OR2L3: variants seen among roughly 807,000 people sequenced by gnomAD.
OR2L3 encodes the protein olfactory receptor 2L3.
For synonymous variants in OR2L3, 131 were observed against 139.1 expected, an observed-to-expected ratio of 0.94 and a Z score of 0.41; for missense variants, 369 against 376.6, an observed-to-expected ratio of 0.98 and a Z score of 0.17.
chr1:248,050,221 A>G (rs548544638), intron 1 of OR2L3, among the ~76,000 whole-genome samples: 1 of 152,010 alleles, frequency 6.6e-6, no homozygotes, highest in African/African-American at 2.4e-5. Flanking sequence ...CCTCCTGTGT[A>G]TTCTGTCATT....
At chr1:248,056,957 G>A (rs1196278346) in intron 1 of OR2L3, among the ~76,000 whole-genome samples, 1 of 151,916 alleles carries the variant, frequency 6.6e-6, no homozygotes, top group African/African-American at 2.4e-5. Context: ...GCCTTGAGGG[G>A]GCTTTAATCT....
In OR2L3 at chr1:248,061,287, C is replaced by T. The variant is rs1445598068; in HGVS notation, c.606C>T (p.Thr202=). 6.2e-7 allele frequency: 1 copy of T among 1,606,272 alleles called. No individual in the cohort carries two copies. The highest frequency in any genetic ancestry group is 8.5e-7 in the Non-Finnish European group (1 of 1,174,998). The change falls in exon 2 of 2, where the codon ACC becomes ACT. Residue 202 remains threonine, a synonymous_variant. Transcript: ENST00000359959. ...ATGAGGGCACAGTGTTTTTGAGCAC[C>T]ACCATCTTTCTCGTGTTTCCCTTCA... ...WVYEGTVFLS[T]TIFLVFPFIA...
In OR2L3 at chr1:248,060,672, CGAATGCCCCAT is replaced by C; in HGVS notation, c.-8_3del. ...GTGTCTCCCTTCAGGAAAGAGCACA[CGAATGCCCCAT>C]GGAAAATTACAATCAAACATCAACT... On this transcript the variant is annotated start_lost and 5_prime_UTR_variant, in exon 2 of 2. Transcript: ENST00000359959. The C allele has an allele frequency of 6.2e-7, 1 of 1,601,956 alleles. No homozygotes were observed. The highest frequency in any genetic ancestry group is 8.5e-7 in the Non-Finnish European group (1 of 1,171,744).
chr1:248,053,129 C>G (rs995467479), intron 1 of OR2L3, among the ~76,000 whole-genome samples: 2 of 152,088 alleles, frequency 1.3e-5, no homozygotes, highest in Non-Finnish European at 2.9e-5. Flanking sequence ...CAACAGGCCC[C>G]AGTAAGTGTT....
At chr1:248,047,342 A>T (rs1352827421) in intron 1 of OR2L3, among the ~76,000 whole-genome samples, 1 of 152,082 alleles carries the variant, frequency 6.6e-6, no homozygotes, top group Non-Finnish European at 1.5e-5. Flanking sequence ...ATTTTACCTT[A>T]TATGAATCCA....
intron 1 of OR2L3, among the ~76,000 whole-genome samples, chr1:248,050,374 A>G (rs1663222556): frequency 6.6e-6 from 1 of 152,152 alleles, no homozygotes; most frequent in South Asian, 2.1e-4. Context: ...ATCCATTTGG[A>G]TTTATTTTTA....
Position 248,062,247 on chromosome 1 carries a change from A to T in OR2L3, c.*627A>T, listed in dbSNP as rs1663668644. 1 of 152,284 alleles carries T rather than the reference A, an allele frequency of 6.6e-6. No homozygotes were observed. The highest frequency in any genetic ancestry group is 2.1e-4 in the South Asian group (1 of 4,834). The allele number at this position is 152,284 out of a possible 1,614,324, so 9.4% of individuals were successfully genotyped here. ...CCCAGGAAATGATTTAACATTAGGT[A>T]TATTTTAGATCAACAAAAGGACTGG... On this transcript the variant is annotated 3_prime_UTR_variant, in exon 2 of 2. Transcript: ENST00000359959.
At chr1:248,055,156 C>T (rs1266448017) in intron 1 of OR2L3, among the ~76,000 whole-genome samples, 3 of 151,940 alleles carry the variant, frequency 2.0e-5, no homozygotes, top group Non-Finnish European at 4.4e-5. Flanking sequence ...GAAGGGAAGT[C>T]GAATTTTTTT....
intron 1 of OR2L3, chr1:248,051,276 A>G (rs1663257052): frequency 6.6e-6 from 1 of 152,118 alleles, no homozygotes; most frequent in South Asian, 2.1e-4. Flanking sequence ...TCTTTTTGTG[A>G]CAGACTTATT....
chr1:248,046,949 A>T (rs1663097339), intron 1 of OR2L3, 69 bp downstream of exon 1: 1 of 152,190 alleles, frequency 6.6e-6, no homozygotes, highest in African/African-American at 2.4e-5. Flanking sequence ...GCAAGTGCTT[A>T]AGAGACCTTT....
chr1:248,049,878 T>C (rs576567855), intron 1 of OR2L3, among the ~76,000 whole-genome samples: 174 of 152,330 alleles, frequency 1.1e-3, no homozygotes, highest in African/African-American at 3.9e-3. Flanking sequence ...TTTATCTAGA[T>C]GTCACATTTA....
At chr1:248,059,149 T>C (rs1297309125) in intron 1 of OR2L3, among the ~76,000 whole-genome samples, 1 of 152,194 alleles carries the variant, frequency 6.6e-6, no homozygotes, top group East Asian at 1.9e-4. Flanking sequence ...TGATTATGCA[T>C]ATTTCTGTGT....
rs775619137 is a variant in OR2L3 at position 248,049,676 on chromosome 1, T to C, written c.-22+2796T>C. Among the ~76,000 whole-genome samples, 86 of 152,228 alleles carry C rather than the reference T, an allele frequency of 5.6e-4. 4 individuals are homozygous for C. The highest frequency in any genetic ancestry group is 5.4e-3 in the Admixed American group (82 of 15,278). ...ATTTTAATCATTAAAAAATCCTACT[T>C]GTTTTACATTTCTTATACTTTCTCA... On this transcript the variant is annotated intron_variant, in intron 1 of 1. Coordinates refer to ENST00000359959, the MANE Select transcript of OR2L3 (RefSeq NM_001004687.2).
At chr1:248,046,924 G>A (rs1169062313) in intron 1 of OR2L3, 44 bp downstream of exon 1, 1 of 152,146 alleles carries the variant, frequency 6.6e-6, no homozygotes, top group Non-Finnish European at 1.5e-5. Flanking sequence ...TGATTACAGG[G>A]AAGAAGGAAC....
At chr1:248,048,734 A>G (rs1663163273) in intron 1 of OR2L3, among the ~76,000 whole-genome samples, 1 of 152,036 alleles carries the variant, frequency 6.6e-6, no homozygotes, top group African/African-American at 2.4e-5. Flanking sequence ...AGTTTCAGAG[A>G]TTCAGAACTT....
chr1:248,061,368 T>C lies in OR2L3; in HGVS notation c.687T>C (p.Ser229=). 6.2e-7 allele frequency: 1 copy of C among 1,614,102 alleles called. No individual in the cohort carries two copies. Residue 229 remains serine (S), a synonymous_variant, in exon 2 of 2, where the codon TCT becomes TCC. Coordinates refer to ENST00000359959, the MANE Select transcript of OR2L3 (RefSeq NM_001004687.2). ...TCCTTGCTGTCTACCACATGAAATC[T>C]GCAGAAGGGAGGAAGAAAGCCTACC... is the stretch of plus-strand genomic sequence containing the variant. The part of the protein sequence containing the change: ...RVLLAVYHMK[S]AEGRKKAYLT...
rs1272994827 is a variant in OR2L3, at chr1:248,060,665, G to A, written c.-17G>A. 6 of 1,592,098 alleles carry A rather than the reference G, an allele frequency of 3.8e-6. No homozygotes were observed. In the Admixed American group the frequency reaches 1.0e-4, roughly 27 times the overall value. On this transcript the variant is annotated 5_prime_UTR_variant, in exon 2 of 2. Transcript: ENST00000359959. ...TACCCTTGTGTCTCCCTTCAGGAAA[G>A]AGCACACGAATGCCCCATGGAAAAT... is the stretch of plus-strand genomic sequence containing the variant.
intron 1 of OR2L3, among the ~76,000 whole-genome samples, chr1:248,053,131 G>C (rs1330088226): frequency 1.3e-5 from 2 of 152,048 alleles, no homozygotes; most frequent in Non-Finnish European, 2.9e-5. Flanking sequence ...ACAGGCCCCA[G>C]TAAGTGTTGT....
intron 1 of OR2L3, among the ~76,000 whole-genome samples, chr1:248,059,550 G>C (rs1030778141): frequency 6.6e-6 from 1 of 152,164 alleles, no homozygotes; most frequent in Non-Finnish European, 1.5e-5. Context: ...GGATGATGAT[G>C]AATATTGAAA....
Sources: allele counts gnomAD v4.1 joint callset (sites outside exome capture counted in the v4.1 genomes callset), GRCh38; gene constraint gnomAD v4.1.1; transcripts MANE v1.5; gene names NCBI Gene and HGNC (gene_info 2026-07-23, HGNC 2026-07-21).